PEPD: variants seen among roughly 807,000 people sequenced by gnomAD.
PEPD encodes xaa-Pro dipeptidase.
A neutral mutation model predicts 60.7 loss-of-function variants in PEPD; 53 were observed. The observed-to-expected ratio is 0.87, with a 90% CI of 0.70 to 1.10. The LOEUF (loss-of-function observed/expected upper bound fraction) is 1.10, where lower values mean the gene tolerates loss of function less well. Among genes scored for constraint, PEPD ranks in the 50% least tolerant of loss-of-function variants. The pLI, the probability that PEPD is intolerant of heterozygous loss-of-function variation, is 0.00. For missense variants in PEPD, 711 were observed against 711.9 expected (o/e 1.00, Z 0.01); for synonymous variants, 267 against 284.1 (o/e 0.94, Z 0.60).
At chr19:33,388,291 C>T (rs1368863505) in intron 13 of PEPD, 1 of 692,766 alleles carries the variant, frequency 1.4e-6, no homozygotes, top group Non-Finnish European at 2.6e-6. Flanking sequence ...CTTGAGTGTC[C>T]CTGGCCACAC....
At chr19:33,473,904 G>T (rs1200827826) in intron 7 of PEPD, among the ~76,000 whole-genome samples, 2 of 152,192 alleles carry the variant, frequency 1.3e-5, no homozygotes, top group African/African-American at 4.8e-5. Context: ...CTCCTTGAGA[G>T]AATGGAAAAC....
intron 9 of PEPD, among the ~76,000 whole-genome samples, chr19:33,428,499 C>A (rs926336990): frequency 3.3e-5 from 5 of 152,218 alleles, no homozygotes; most frequent in Non-Finnish European, 7.3e-5. Flanking sequence ...GGACTCCTGG[C>A]AGCTGCTGCC....
intron 3 of PEPD, 88 bp downstream of exon 3, chr19:33,510,940 G>A: frequency 5.7e-6 from 8 of 1,410,836 alleles, no homozygotes; most frequent in Non-Finnish European, 7.8e-6. Context: ...CCGTCCCCAG[G>A]CCCAACCCAG....
At chr19:33,497,559 C>A (rs878961858) in intron 4 of PEPD, among the ~76,000 whole-genome samples, 1 of 152,232 alleles carries the variant, frequency 6.6e-6, no homozygotes, top group South Asian at 2.1e-4. Flanking sequence ...CATGCTATCA[C>A]GTGACCAGCC....
intron 3 of PEPD, among the ~76,000 whole-genome samples, chr19:33,505,144 T>C (rs1970775330): frequency 1.3e-5 from 2 of 152,304 alleles, no homozygotes; most frequent in African/African-American, 4.8e-5. Flanking sequence ...ACCACCTGCA[T>C]GCGATTAATG....
intron 11 of PEPD, among the ~76,000 whole-genome samples, chr19:33,402,990 C>T (rs940746687): frequency 2.0e-5 from 3 of 152,196 alleles, no homozygotes; most frequent in African/African-American, 7.2e-5. Flanking sequence ...TCAGGGCCCT[C>T]TCTGGGCAAC....
At chr19:33,470,867 C>T (rs2145285762) in intron 7 of PEPD, among the ~76,000 whole-genome samples, 1 of 152,262 alleles carries the variant, frequency 6.6e-6, no homozygotes, top group East Asian at 1.9e-4. Flanking sequence ...GCCCAAAATC[C>T]CTCTGCCACT....
chr19:33,455,529 G>C (rs1213328684), intron 9 of PEPD, among the ~76,000 whole-genome samples: 1 of 151,342 alleles, frequency 6.6e-6, no homozygotes, highest in African/African-American at 2.4e-5. Flanking sequence ...AAGAGATGGA[G>C]TCTCACTCTG....
At chr19:33,400,730 G>C (rs1405696153) in intron 12 of PEPD, among the ~76,000 whole-genome samples, 1 of 152,228 alleles carries the variant, frequency 6.6e-6, no homozygotes, top group African/African-American at 2.4e-5. Flanking sequence ...AAGAACATGA[G>C]AAGACCACAT....
intron 6 of PEPD, among the ~76,000 whole-genome samples, chr19:33,489,187 C>T (rs569837750): frequency 3.1e-4 from 47 of 152,256 alleles, no homozygotes; most frequent in African/African-American, 1.0e-3. Context: ...AAAGGGGAAC[C>T]GCTTCCCAAG....
intron 12 of PEPD, among the ~76,000 whole-genome samples, chr19:33,401,438 G>A (rs780187960): frequency 1.3e-4 from 20 of 152,356 alleles, no homozygotes; most frequent in Middle Eastern, 3.4e-3. Context: ...ACAGGCTGGC[G>A]TGCTAGTGGC....
intron 6 of PEPD, among the ~76,000 whole-genome samples, chr19:33,480,503 C>A (rs893867609): frequency 1.1e-4 from 17 of 152,130 alleles, no homozygotes; most frequent in African/African-American, 4.1e-4. Flanking sequence ...AAAAAGGAAA[C>A]AGAAGACCTG....
intron 12 of PEPD, among the ~76,000 whole-genome samples, chr19:33,397,672 T>G (rs1032266068): frequency 6.6e-6 from 1 of 151,410 alleles, no homozygotes; most frequent in Non-Finnish European, 1.5e-5. Flanking sequence ...CCAGGCTGGG[T>G]CTGGGCAGCA....
chr19:33,399,204 G>T (rs1968432898), intron 12 of PEPD, among the ~76,000 whole-genome samples: 1 of 152,174 alleles, frequency 6.6e-6, no homozygotes, highest in Non-Finnish European at 1.5e-5. Flanking sequence ...GCCCATGCTG[G>T]TCTTCAACTC....
At chr19:33,413,460 G>A (rs1968821722) in intron 10 of PEPD, 115 bp downstream of exon 10, 2 of 696,050 alleles carry the variant, frequency 2.9e-6, no homozygotes, top group African/African-American at 1.7e-5. Flanking sequence ...GCGCTGGTGT[G>A]GGCGTGTGAG....
chr19:33,478,053 CG>C lies in PEPD; in HGVS notation c.540del (p.Ile180MetfsTer30), dbSNP rs1600147235. ...ACCACAGGCCGTACTCACCACTCAA[CG>C]ATCTCTGGGTGAAGAATGGTATTGT... The part of the protein sequence containing the change: ...EVNNTILHPE[I>X]VECRVFKTDM... On this transcript the variant is annotated frameshift_variant, in exon 7 of 15. Transcript: ENST00000244137. LOFTEE classifies it high-confidence loss of function. 2 of 1,610,532 alleles carry C rather than the reference CG, an allele frequency of 1.2e-6. No homozygotes were observed. Among genetic ancestry groups the C allele is most frequent in the Non-Finnish European group, 1.7e-6 (2 of 1,177,462 alleles).
At chr19:33,416,548 C>T (rs931010372) in intron 9 of PEPD, among the ~76,000 whole-genome samples, 2 of 152,154 alleles carry the variant, frequency 1.3e-5, no homozygotes, top group African/African-American at 2.4e-5. Context: ...ACCTGGAAGG[C>T]GGATGGGGTG....
intron 9 of PEPD, among the ~76,000 whole-genome samples, chr19:33,414,605 C>A (rs1968849427): frequency 7.0e-6 from 1 of 143,304 alleles, no homozygotes; most frequent in African/African-American, 2.5e-5. Flanking sequence ...CACCCCCGAC[C>A]AGGGCAGTCG....
rs1968211802 is a variant in PEPD at position 33,391,284 on chromosome 19, T to A, written c.1152+11A>T. The A allele has an allele frequency of 6.2e-7, 1 of 1,607,994 alleles. No individual in the cohort carries two copies. The highest frequency in any genetic ancestry group is 2.2e-5 in the East Asian group (1 of 44,806). On this transcript the variant is annotated intron_variant, in intron 13 of 14. Transcript: ENST00000244137. ...TGGGCAGGCCACTCCGCCTGCCATG[T>A]CCACACTGACCTCTGGGTAGCCTCC...
Sources: gnomAD v4.1 joint callset for allele counts (sites outside exome capture counted in the v4.1 genomes callset) on GRCh38, gnomAD v4.1.1 for gene constraint, MANE v1.5 for transcripts, NCBI Gene and HGNC (gene_info 2026-07-23, HGNC 2026-07-21) for gene names.